The following KDM3A variants were observed in gnomAD, a reference collection of about 807,000 sequenced individuals.
KDM3A encodes the protein lysine demethylase 3A, also known as lysine-specific demethylase 3A.
In KDM3A, 60 loss-of-function variants were observed where a neutral mutation model predicts 158.0. The ratio of observed to expected loss-of-function variants is 0.38; its 90% confidence interval spans 0.31 to 0.47. The LOEUF is 0.47. Among genes scored for constraint, KDM3A ranks in the 20% least tolerant of loss-of-function variants. The pLI, the probability that KDM3A is intolerant of heterozygous loss-of-function variation, is 0.99. For missense variants in KDM3A, 1,319 were observed against 1,574.3 expected, an observed-to-expected ratio of 0.84 and a Z score of 2.74; for synonymous variants, 608 against 549.3, an observed-to-expected ratio of 1.11 and a Z score of -1.49.
At chr2:86,448,498 CAAAT>C (rs559033607) in intron 2 of KDM3A, among the ~76,000 whole-genome samples, 141 of 152,154 alleles carry the variant, frequency 9.3e-4, no homozygotes, top group African/African-American at 3.2e-3. Context: ...AATCAGTTAA[CAAAT>C]AAATAATGCA....
At chr2:86,445,863 A>C (rs1411325797) in intron 2 of KDM3A, among the ~76,000 whole-genome samples, 4 of 152,222 alleles carry the variant, frequency 2.6e-5, no homozygotes, top group African/African-American at 9.6e-5. Context: ...CAAGGAATTA[A>C]TTTCTTTGTG....
intron 12 of KDM3A, 35 bp downstream of exon 12, chr2:86,475,025 C>A: frequency 1.3e-6 from 2 of 1,553,930 alleles, no homozygotes; most frequent in Non-Finnish European, 1.8e-6. Flanking sequence ...GATTTTCGAG[C>A]CCAATTTGAT....
Position 86,478,723 on chromosome 2 carries a change from A to G in KDM3A, c.2304A>G (p.Glu768=). The G allele has an allele frequency of 1.2e-6, 2 of 1,613,972 alleles. No individual in the cohort carries two copies. The highest frequency in any genetic ancestry group is 2.2e-5 in the South Asian group (2 of 91,062). Residue 768 remains glutamate (E), a synonymous_variant, in exon 15 of 26, where the codon GAA becomes GAG. Transcript: ENST00000312912. The stretch of plus-strand genomic sequence containing the variant: ...TCTTTTCAAAGCCAGCCTCAAAGGA[A>G]GACCTAAAACAGGTATTTACTGCTT... ...FKLFSKPASK[E]DLKQTSLAGE... is the part of the protein sequence containing the mutation.
chr2:86,482,490 C>T lies in KDM3A; in HGVS notation c.2718C>T (p.Ile906=), dbSNP rs1394304066. ...TENGLKNTPK[I]LDDIFASLVQ... is the part of the protein sequence containing the mutation. Reference sequence around the variant, plus strand: ...ATGGACTCAAGAATACACCAAAAATCCTTGATGACATCTTTGCCTCTTTGG... The same window carrying T: ...ATGGACTCAAGAATACACCAAAAATTCTTGATGACATCTTTGCCTCTTTGG... The change falls in exon 18 of 26, where the codon ATC becomes ATT. Residue 906 remains isoleucine (I), a synonymous_variant. Transcript: ENST00000312912. The T allele has an allele frequency of 1.9e-6, 3 of 1,613,970 alleles. No individual in the cohort carries two copies. The highest frequency in any genetic ancestry group is 2.5e-6 in the Non-Finnish European group (3 of 1,179,988).
intron 14 of KDM3A, 124 bp downstream of exon 14, chr2:86,478,389 ATATAT>A (rs1418445908): frequency 9.5e-6 from 8 of 841,848 alleles, no homozygotes; most frequent in African/African-American, 1.7e-5. Flanking sequence ...TTGTCCAGAA[ATATAT>A]TAGATAATTC....
At chr2:86,468,554 A>AACGT (rs1673259529) in intron 10 of KDM3A, among the ~76,000 whole-genome samples, 1 of 151,460 alleles carries the variant, frequency 6.6e-6, no homozygotes, top group African/African-American at 2.4e-5. Flanking sequence ...AGAAGTGAAA[A>AACGT]ACTTACATCC....
chr2:86,444,921 T>C (rs1682894210), intron 2 of KDM3A, among the ~76,000 whole-genome samples: 1 of 152,124 alleles, frequency 6.6e-6, no homozygotes, highest in African/African-American at 2.4e-5. Context: ...ATAATAACAG[T>C]GGATAACTAT....
intron 5 of KDM3A, 100 bp downstream of exon 5, chr2:86,455,287 C>CT (rs1343318025): frequency 1.2e-5 from 7 of 603,658 alleles, no homozygotes; most frequent in South Asian, 7.1e-5. Flanking sequence ...ATGGAAATTT[C>CT]TTTTTTCTTT....
chr2:86,443,217 A>G (rs2104616436), intron 2 of KDM3A: 1 of 152,360 alleles, frequency 6.6e-6, no homozygotes, highest in South Asian at 2.1e-4. Flanking sequence ...GTGTTTCAGA[A>G]TCTTCACTTG....
chr2:86,492,312 C>T lies in KDM3A; in HGVS notation c.*193C>T, dbSNP rs1005852310. On this transcript the variant is annotated 3_prime_UTR_variant, in exon 26 of 26. Coordinates refer to ENST00000312912, the MANE Select transcript of KDM3A (RefSeq NM_018433.6). The stretch of plus-strand genomic sequence containing the variant: ...GTATATGTAGTAACTATTTACAGAA[C>T]ATGCATCCTTAAACTGTGACTTCTC... 226 of 511,112 alleles carry T rather than the reference C, an allele frequency of 4.4e-4. 1 individual carries two copies. In the East Asian group the frequency reaches 6.9e-3, roughly 16 times the overall value. The allele number at this position is 511,112 out of a possible 1,614,324, so 31.7% of individuals were successfully genotyped here.
At chr2:86,463,779 G>C (rs755367870) in intron 8 of KDM3A, among the ~76,000 whole-genome samples, 1 of 152,156 alleles carries the variant, frequency 6.6e-6, no homozygotes, top group Non-Finnish European at 1.5e-5. Context: ...CCACCTGACT[G>C]TTTTCCTGGC....
At position 86,451,168 on chromosome 2, in the gene KDM3A, T is replaced by G. The variant is rs755483346; in HGVS notation, c.408T>G (p.Asp136Glu). 1.9e-6 allele frequency: 3 copies of G among 1,612,166 alleles called. No individual in the cohort carries two copies. Among genetic ancestry groups the G allele is most frequent in the Non-Finnish European group, 2.5e-6 (3 of 1,179,380 alleles). ...GSITSVRFLG[D>E]QQRVFLSKDL... is the part of the protein sequence containing the mutation. ...TAACTTCTGTTCGCTTTCTGGGAGA[T>G]CAACAAAGAGTATTTCTTTCTAAAG... The change falls in exon 4 of 26, where the codon GAT becomes GAG. Residue 136 changes from aspartate (D) to glutamate (E), a missense_variant. Transcript: ENST00000312912.
At chr2:86,447,778 C>G (rs1683015983) in intron 2 of KDM3A, among the ~76,000 whole-genome samples, 2 of 152,128 alleles carry the variant, frequency 1.3e-5, no homozygotes, top group South Asian at 4.1e-4. Flanking sequence ...TAAAATCATT[C>G]TAAGAGAGAT....
chr2:86,465,856 T>C (rs1020946069), intron 9 of KDM3A, among the ~76,000 whole-genome samples: 5 of 150,586 alleles, frequency 3.3e-5, no homozygotes, highest in Non-Finnish European at 7.4e-5. Context: ...GTAGCAAGAA[T>C]GGAGTTTTAT....
chr2:86,444,024 T>G (rs1682851638), intron 2 of KDM3A, among the ~76,000 whole-genome samples: 1 of 152,206 alleles, frequency 6.6e-6, no homozygotes, highest in Non-Finnish European at 1.5e-5. Flanking sequence ...GTTGAGAGAC[T>G]AGGCGTTCCC....
intron 20 of KDM3A, 86 bp from the exon 21 acceptor site, chr2:86,485,643 T>C: frequency 6.8e-7 from 1 of 1,471,994 alleles, no homozygotes; most frequent in Non-Finnish European, 9.4e-7. Flanking sequence ...TTTGTTCCTT[T>C]TGGTGTAGAA....
chr2:86,480,411 C>T (rs773872932), intron 16 of KDM3A, 49 bp downstream of exon 16: 20 of 1,498,620 alleles, frequency 1.3e-5, no homozygotes, highest in South Asian at 6.0e-5. Context: ...TTAGTCCATT[C>T]GTGGAAGGAC....
intron 3 of KDM3A, among the ~76,000 whole-genome samples, chr2:86,450,583 T>C (rs1210724486): frequency 6.6e-6 from 1 of 152,206 alleles, no homozygotes; most frequent in Non-Finnish European, 1.5e-5. Flanking sequence ...TTAGTCTTTA[T>C]GGGACTTGAG....
intron 20 of KDM3A, 133 bp downstream of exon 20, chr2:86,485,162 T>C (rs1674120406): frequency 9.9e-6 from 6 of 606,180 alleles, no homozygotes; most frequent in South Asian, 8.7e-5. Flanking sequence ...TGATTTTTCA[T>C]TTCTAGTCTG....
Sources: gnomAD v4.1 joint callset for allele counts (sites outside exome capture counted in the v4.1 genomes callset) on GRCh38, gnomAD v4.1.1 for gene constraint, MANE v1.5 for transcripts, NCBI Gene and HGNC (gene_info 2026-07-23, HGNC 2026-07-21) for gene names.